LRBA: variants seen among roughly 807,000 people sequenced by gnomAD.
The protein encoded by LRBA is LPS responsive beige-like anchor protein.
LRBA carries 176 observed loss-of-function variants against 330.0 expected under a neutral mutation model. The observed-to-expected ratio is 0.53, with a 90% confidence interval of 0.47 to 0.60. LRBA has a LOEUF of 0.60. Ranked by LOEUF, LRBA falls within the 20% of genes least tolerant of loss-of-function variation. The pLI, the probability that LRBA is intolerant of heterozygous loss-of-function variation, is 0.00. For synonymous variants in LRBA, 1,230 were observed against 1,193.0 expected (o/e 1.03, Z -0.64); for missense variants, 3,259 against 3,444.8 (o/e 0.95, Z 1.35).
At chr4:150,293,802 C>CGGCT (rs2126810706) in intron 53 of LRBA, among the ~76,000 whole-genome samples, 1 of 152,274 alleles carries the variant, frequency 6.6e-6, no homozygotes, top group South Asian at 2.1e-4. Flanking sequence ...ACAGCAAGAC[C>CGGCT]AGCCCTCTGC....
At chr4:150,437,688 A>T (rs1244115436) in intron 44 of LRBA, among the ~76,000 whole-genome samples, 1 of 151,890 alleles carries the variant, frequency 6.6e-6, no homozygotes, top group Non-Finnish European at 1.5e-5. Flanking sequence ...AATGATAATA[A>T]TACTCATTCA....
intron 52 of LRBA, among the ~76,000 whole-genome samples, 191 bp downstream of exon 52, chr4:150,310,038 G>A (rs1410135413): frequency 6.6e-6 from 1 of 152,092 alleles, no homozygotes; most frequent in African/African-American, 2.4e-5. Context: ...CAAACATGCT[G>A]TAGCAAATTT....
At chr4:150,909,916 T>C (rs144127557) in intron 9 of LRBA, among the ~76,000 whole-genome samples, 373 of 152,294 alleles carry the variant, frequency 2.4e-3, no homozygotes, top group Non-Finnish European at 1.9e-3. Flanking sequence ...TCTAGTGATA[T>C]TGAGCATCTT....
intron 40 of LRBA, among the ~76,000 whole-genome samples, chr4:150,514,232 C>A (rs879394093): frequency 3.3e-4 from 50 of 152,096 alleles, no homozygotes; most frequent in Non-Finnish European, 6.8e-4. Context: ...GCCACCACGC[C>A]CAGCTAATTT....
chr4:150,370,543 A>C (rs1429001558), intron 47 of LRBA, among the ~76,000 whole-genome samples: 1 of 152,186 alleles, frequency 6.6e-6, no homozygotes, highest in Non-Finnish European at 1.5e-5. Flanking sequence ...GGAAGGGGGA[A>C]TGAATAGGTG....
chr4:150,767,252 T>C (rs1265302322), intron 34 of LRBA, among the ~76,000 whole-genome samples: 1 of 152,056 alleles, frequency 6.6e-6, no homozygotes, highest in Non-Finnish European at 1.5e-5. Flanking sequence ...CTATAAATAA[T>C]CTCCTAGAAC....
intron 40 of LRBA, among the ~76,000 whole-genome samples, chr4:150,508,242 G>C (rs1348209621): frequency 3.5e-4 from 9 of 25,634 alleles, no homozygotes; most frequent in African/African-American, 2.7e-3. Flanking sequence ...AAAAAAAAAG[G>C]GGGGGGGGGG....
At chr4:150,291,018 C>T (rs1728222489) in intron 53 of LRBA, among the ~76,000 whole-genome samples, 1 of 151,458 alleles carries the variant, frequency 6.6e-6, no homozygotes, top group African/African-American at 2.4e-5. Context: ...AGGTTAGTTA[C>T]ATATGTATAC....
intron 37 of LRBA, among the ~76,000 whole-genome samples, chr4:150,631,832 C>T (rs929339415): frequency 1.3e-5 from 2 of 152,026 alleles, no homozygotes; most frequent in Non-Finnish European, 2.9e-5. Flanking sequence ...GTTTGAGGGG[C>T]CAGAAGTACA....
chr4:150,745,865 T>G (rs565493874), intron 35 of LRBA, among the ~76,000 whole-genome samples: 1 of 152,314 alleles, frequency 6.6e-6, no homozygotes, highest in African/African-American at 2.4e-5. Flanking sequence ...CATCCCTTTC[T>G]ATCACTTAGT....
intron 51 of LRBA, among the ~76,000 whole-genome samples, chr4:150,313,164 TTATC>T (rs1325034652): frequency 6.6e-6 from 1 of 152,004 alleles, no homozygotes; most frequent in African/African-American, 2.4e-5. Context: ...TAACATAAAA[TTATC>T]TGGGGGAAGT....
intron 36 of LRBA, among the ~76,000 whole-genome samples, chr4:150,695,996 G>C (rs1454034943): frequency 6.6e-6 from 1 of 152,122 alleles, no homozygotes; most frequent in Non-Finnish European, 1.5e-5. Context: ...GGGAGGTCGA[G>C]GCCAGCAAAT....
chr4:150,992,601 C>T (rs1169381381), intron 2 of LRBA, among the ~76,000 whole-genome samples: 4 of 152,066 alleles, frequency 2.6e-5, no homozygotes, highest in Non-Finnish European at 4.4e-5. Flanking sequence ...TTACAATAAT[C>T]CTAGAAAGAG....
intron 40 of LRBA, among the ~76,000 whole-genome samples, chr4:150,559,774 T>TTATATATATTA (rs1332230467): frequency 1.2e-5 from 1 of 84,252 alleles, no homozygotes; most frequent in Non-Finnish European, 2.1e-5. Flanking sequence ...ATTATATATA[T>TTATATATATTA]TATATTATAT....
chr4:150,555,184 G>A (rs1188064615), intron 40 of LRBA, among the ~76,000 whole-genome samples: 1 of 152,076 alleles, frequency 6.6e-6, no homozygotes, highest in Non-Finnish European at 1.5e-5. Context: ...ATCAACTCTA[G>A]GTCTTGTGGT....
At chr4:150,558,901 G>C (rs186716207) in intron 40 of LRBA, among the ~76,000 whole-genome samples, 2 of 152,032 alleles carry the variant, frequency 1.3e-5, no homozygotes, top group African/African-American at 2.4e-5. Context: ...TATTCGCATG[G>C]TATCATTAAA....
At chr4:150,313,840 G>GTATATA (rs35815992) in intron 51 of LRBA, among the ~76,000 whole-genome samples, 125 of 142,010 alleles carry the variant, frequency 8.8e-4, no homozygotes, top group African/African-American at 2.9e-3. Flanking sequence ...TATATATAAT[G>GTATATA]TATATATATA....
At chr4:150,584,667 T>A (rs1342050614) in intron 40 of LRBA, 1 of 167,012 alleles carries the variant, frequency 6.0e-6, no homozygotes, top group Non-Finnish European at 1.5e-5. Flanking sequence ...TTGAAAACAG[T>A]AATAAAAACA....
chr4:150,646,545 C>A (rs918874867), intron 37 of LRBA, among the ~76,000 whole-genome samples: 9 of 151,930 alleles, frequency 5.9e-5, no homozygotes, highest in African/African-American at 2.2e-4. Context: ...AAATAAATGT[C>A]CTGAGAACTG....
Sources: allele counts gnomAD v4.1 joint callset (sites outside exome capture counted in the v4.1 genomes callset), GRCh38; gene constraint gnomAD v4.1.1; transcripts MANE v1.5; gene names NCBI Gene and HGNC (gene_info 2026-07-23, HGNC 2026-07-21).